Variants in PRAMEF4 observed in about 807,000 individuals in gnomAD.
The protein encoded by PRAMEF4 is RP5-845O24.6.
PRAMEF4 carries 18 observed loss-of-function variants against 34.4 expected under a neutral mutation model. The ratio of observed to expected loss-of-function variants is 0.52; its 90% CI spans 0.36 to 0.78. The LOEUF is 0.78. Ranked by LOEUF, PRAMEF4 falls within the 30% of genes least tolerant of loss-of-function variation. PRAMEF4 has a pLI of 0.00. For missense variants in PRAMEF4, 482 were observed against 569.1 expected, an observed-to-expected ratio of 0.85 and a Z score of 1.56; for synonymous variants, 156 against 219.3, an observed-to-expected ratio of 0.71 and a Z score of 2.55.
chr1:12,880,978 G>T (rs1640877324), intron 3 of PRAMEF4, among the ~76,000 whole-genome samples: 1 of 147,324 alleles, frequency 6.8e-6, no homozygotes, highest in Non-Finnish European at 1.5e-5. Flanking sequence ...CAAACTGTGG[G>T]GCACAAAGCT....
intron 3 of PRAMEF4, among the ~76,000 whole-genome samples, chr1:12,880,829 T>C (rs113346569): frequency 0.13 from 19,365 of 144,848 alleles, 2,568 homozygotes; most frequent in African/African-American, 0.21. Context: ...CAGCAAACCA[T>C]CTATCACTTT....
chr1:12,883,161 C>G lies in PRAMEF4; in HGVS notation c.234G>C (p.Glu78Asp), dbSNP rs1222078042. Residue 78 changes from glutamate (E) to aspartate (D), a missense_variant, in exon 2 of 4, where the codon GAG (glutamate) becomes GAC (aspartate). Physicochemically the swap from Glu to Asp is conservative, Grantham distance 45. Around this residue, in one of 6 missense-constraint regions of PRAMEF4, gnomAD observed 172 missense variants for 130.2 expected, o/e 1.32. Transcript: ENST00000235349. ...LRPLIKMPCL[E>D]AFQAVLDGLD... is the part of the protein sequence containing the mutation. The stretch of plus-strand genomic sequence containing the variant: ...GCCCATCGAGCACAGCTTGGAAGGC[C>G]TCCAGACAAGGCATCTTTATCAGAG... 2.5e-6 allele frequency: 4 copies of G among 1,601,412 alleles called. No homozygotes were observed.
chr1:12,885,605 AC>A (rs1287100769), intron 1 of PRAMEF4, among the ~76,000 whole-genome samples: 2 of 145,764 alleles, frequency 1.4e-5, no homozygotes, highest in African/African-American at 2.6e-5. Context: ...GCGTGGTGAA[AC>A]CCCACCTCTA....
intron 1 of PRAMEF4, among the ~76,000 whole-genome samples, chr1:12,884,686 G>T (rs1409746004): frequency 2.0e-5 from 3 of 147,592 alleles, no homozygotes; most frequent in Non-Finnish European, 4.5e-5. Context: ...CTCCACTCCA[G>T]CCTGGGAAAT....
rs1640912452 is a variant in PRAMEF4, at chr1:12,882,568, C to G, written c.294-133G>C. On this transcript the variant is annotated intron_variant, in intron 2 of 3. Coordinates refer to ENST00000235349, the MANE Select transcript of PRAMEF4 (RefSeq NM_001009611.4). ...TGACTTTTCTTCACTCTGTTTTCCC[C>G]TTGGATCCTGCCCACTTCCACATTG... The G allele has an allele frequency of 1.3e-5, 16 of 1,277,846 alleles. 1 individual carries two copies. The East Asian group carries it at 3.5e-4, about 28-fold the overall frequency. The allele number at this position is 1,277,846 out of a possible 1,614,324, so 79.2% of individuals were successfully genotyped here. A position where few individuals can be genotyped will look rare whatever the true frequency, so the allele number is the denominator to read the frequency against.
chr1:12,885,494 G>A (rs1230173445), intron 1 of PRAMEF4, among the ~76,000 whole-genome samples: 4 of 149,226 alleles, frequency 2.7e-5, no homozygotes, highest in Non-Finnish European at 5.9e-5. Flanking sequence ...CAAATAGCTG[G>A]GACTACAGAT....
chr1:12,879,717 A>C lies in PRAMEF4; in HGVS notation c.1264T>G (p.Tyr422Asp), dbSNP rs762080976. The C allele has an allele frequency of 1.4e-5, 22 of 1,600,258 alleles. 2 individuals are homozygous for C. The highest frequency in any genetic ancestry group is 1.9e-5 in the Non-Finnish European group (22 of 1,173,868). The stretch of plus-strand genomic sequence containing the variant: ...CAGCAGAGAGTACCATCAGCACCAT[A>C]ACTCTCCCGGGGGGCAGGATACAGC... Reference protein sequence around the residue: ...VELYPAPRESYGADGTLCWSR... With the variant: ...VELYPAPRESDGADGTLCWSR... Residue 422 changes from tyrosine to aspartate, a missense_variant, in exon 4 of 4, where the codon TAT becomes GAT. By Grantham distance (160) the Tyr-to-Asp change is radical (BLOSUM62 -3). Coordinates refer to ENST00000235349, the MANE Select transcript of PRAMEF4 (RefSeq NM_001009611.4).
rs374113487 is a variant in PRAMEF4 at position 12,883,997 on chromosome 1, CTCTT to C, written c.-16-591_-16-588del. On this transcript the variant is annotated intron_variant, in intron 1 of 3. Transcript: ENST00000235349. The stretch of plus-strand genomic sequence containing the variant: ...CTGCCTCCCTTCTCTCATTCTCTCT[CTCTT>C]TCTCTCTCTCCCTCTCTCACTCTTT... Among the ~76,000 whole-genome samples, 45 of 144,052 alleles carry C rather than the reference CTCTT, an allele frequency of 3.1e-4. 1 individual carries two copies. In the East Asian group the frequency reaches 8.1e-3, roughly 26 times the overall value. 94.5% of individuals were successfully genotyped at this position (144,052 alleles called of 152,430 possible).
rs200768820 is a variant in PRAMEF4, at chr1:12,882,078, C to G, written c.651G>C (p.Lys217Asn). ...ACTGTGTCAGGATGGGCAGTACCCA[C>G]TTGCAATTCACTTCCACCTCCTGGA... ...DCIQEVEVNCKWVLPILTQFT... is the reference protein window; with the variant it reads ...DCIQEVEVNCNWVLPILTQFT... Residue 217 changes from lysine (K) to asparagine (N), a missense_variant, in exon 3 of 4, where the codon AAG becomes AAC. Lys to Asn is a moderately conservative substitution (Grantham distance 94, BLOSUM62 0). Around this residue, in one of 6 missense-constraint regions of PRAMEF4, gnomAD observed 81 missense variants for 73.1 expected, o/e 1.11. Transcript: ENST00000235349. 1.3e-6 allele frequency: 2 copies of G among 1,587,298 alleles called. No homozygotes were observed. The highest frequency in any genetic ancestry group is 1.7e-6 in the Non-Finnish European group (2 of 1,172,286).
At chr1:12,884,329 T>C (rs1239381983) in intron 1 of PRAMEF4, among the ~76,000 whole-genome samples, 1 of 149,176 alleles carries the variant, frequency 6.7e-6, no homozygotes, top group African/African-American at 2.5e-5. Flanking sequence ...TTATTGAAAA[T>C]TTCAGTGAGA....
At chr1:12,880,146 G>A (rs1459405889) in intron 3 of PRAMEF4, 41 bp from the exon 4 acceptor site, 7 of 1,561,842 alleles carry the variant, frequency 4.5e-6, no homozygotes, top group South Asian at 1.1e-5. Flanking sequence ...GGGAATCATA[G>A]GGGTGAGTGG....
In PRAMEF4 at chr1:12,883,381, A is replaced by G. The variant is rs1640933119; in HGVS notation, c.14T>C (p.Ile5Thr). The G allele has an allele frequency of 6.2e-7, 1 of 1,600,924 alleles. No homozygotes were observed. The highest frequency in any genetic ancestry group is 8.5e-7 in the Non-Finnish European group (1 of 1,173,830). The change falls in exon 2 of 4, where the codon ATC becomes ACC. Residue 5 changes from isoleucine to threonine, a missense_variant. Physicochemically the swap from Ile to Thr is moderately conservative, Grantham distance 89. This residue lies in a region of PRAMEF4 where 172 missense variants were observed against 130.2 expected (regional missense o/e 1.32). Coordinates refer to ENST00000235349, the MANE Select transcript of PRAMEF4 (RefSeq NM_001009611.4). ...CTCCAGGAGTCTGGGTGGAGTCCAG[A>G]TGCTCATCTTCATGAATCTGCAGGG... MKMSIWTPPRLLELA... is the reference protein window; with the variant it reads MKMSTWTPPRLLELA...
chr1:12,884,259 T>C (rs200126128), intron 1 of PRAMEF4, among the ~76,000 whole-genome samples: 3 of 148,636 alleles, frequency 2.0e-5, no homozygotes, highest in East Asian at 2.0e-4. Flanking sequence ...TCAAGCAATC[T>C]ACCCCTCTTG....
rs372288012 is a variant in PRAMEF4, at chr1:12,885,523, G to A, written c.-17+624C>T. The stretch of plus-strand genomic sequence containing the variant: ...TACAGATGCATGGTGACTCACAGCT[G>A]TAATCCCAGCACTTTGGGAGGCCAA... On this transcript the variant is annotated intron_variant, in intron 1 of 3. Transcript: ENST00000235349. Among the ~76,000 whole-genome samples, 24 of 148,876 alleles carry A rather than the reference G, an allele frequency of 1.6e-4. No homozygotes were observed. The South Asian group carries it at 2.4e-3, about 15-fold the overall frequency.
chr1:12,882,046 G>A lies in PRAMEF4; in HGVS notation c.683C>T (p.Pro228Leu), dbSNP rs1640899267. 1 of 1,590,258 alleles carries A rather than the reference G, an allele frequency of 6.3e-7. No individual in the cohort carries two copies. The highest frequency in any genetic ancestry group is 1.7e-5 in the Admixed American group (1 of 57,414). ...AAGATTCCTCATGTGGCCCAGGTAT[G>A]GGGTAAACTGTGTCAGGATGGGCAG... ...WVLPILTQFTPYLGHMRNLQK... is the reference protein window; with the variant it reads ...WVLPILTQFTLYLGHMRNLQK... The change falls in exon 3 of 4, where the codon CCA (proline) becomes CTA (leucine). Residue 228 changes from proline (P) to leucine (L), a missense_variant. Pro to Leu is a moderately conservative substitution (Grantham distance 98, BLOSUM62 -3). Around this residue, in one of 6 missense-constraint regions of PRAMEF4, gnomAD observed 81 missense variants for 73.1 expected, o/e 1.11. Coordinates refer to ENST00000235349, the MANE Select transcript of PRAMEF4 (RefSeq NM_001009611.4).
chr1:12,885,707 C>A (rs561200790), intron 1 of PRAMEF4, among the ~76,000 whole-genome samples: 1 of 146,804 alleles, frequency 6.8e-6, no homozygotes. Flanking sequence ...ATTGCTTGAA[C>A]CCGGGAAGTA....
Position 12,879,747 on chromosome 1 carries a change from C to A in PRAMEF4, c.1234G>T (p.Val412Leu). The change falls in exon 4 of 4, where the codon GTG becomes TTG. Residue 412 changes from valine to leucine, a missense_variant. Physicochemically the swap from Val to Leu is conservative, Grantham distance 32. Coordinates refer to ENST00000235349, the MANE Select transcript of PRAMEF4 (RefSeq NM_001009611.4). ...SHTIILKNLC[V>L]ELYPAPRESY... ...TCCCGGGGGGCAGGATACAGCTCCACGCATAAGTTTTTGAGTATGATTGTG... is the reference window on the plus strand; with the variant it reads ...TCCCGGGGGGCAGGATACAGCTCCAAGCATAAGTTTTTGAGTATGATTGTG... The A allele has an allele frequency of 6.2e-7, 1 of 1,600,482 alleles. No homozygotes were observed. Among genetic ancestry groups the A allele is most frequent in the South Asian group, 1.1e-5 (1 of 90,296 alleles).
intron 1 of PRAMEF4, among the ~76,000 whole-genome samples, chr1:12,885,882 C>T (rs569816818): frequency 8.5e-5 from 11 of 129,084 alleles, no homozygotes; most frequent in African/African-American, 3.5e-4. Flanking sequence ...CCACTTTGGC[C>T]TCCCGAAGTG....
At chr1:12,881,345 G>A (rs572607517) in intron 3 of PRAMEF4, among the ~76,000 whole-genome samples, 2 of 148,494 alleles carry the variant, frequency 1.3e-5, no homozygotes, top group Non-Finnish European at 3.0e-5. Context: ...TAGCCTAGAC[G>A]ATCAAAGAGA....
Sources: allele counts gnomAD v4.1 joint callset (sites outside exome capture counted in the v4.1 genomes callset), GRCh38; gene constraint gnomAD v4.1.1; regional missense constraint gnomAD v4.1.1; transcripts MANE v1.5; gene names NCBI Gene and HGNC (gene_info 2026-07-23, HGNC 2026-07-21).